Variants in IGLL1 observed in about 807,000 individuals in gnomAD.
The protein encoded by IGLL1 is immunoglobulin lambda-like polypeptide 1.
IGLL1 carries 10 observed loss-of-function variants against 10.5 expected under a neutral mutation model. That is an observed-to-expected ratio of 0.95 (90% CI 0.59 to 1.62). The LOEUF is 1.62. IGLL1 is among the 40% of genes most tolerant of loss of function. The pLI is 0.00. For synonymous variants in IGLL1, 141 were observed against 122.7 expected (o/e 1.15, Z -0.99); for missense variants, 284 against 278.7 (o/e 1.02, Z -0.14).
intron 2 of IGLL1, among the ~76,000 whole-genome samples, chr22:23,574,485 G>A (rs1483613044): frequency 6.6e-6 from 1 of 152,046 alleles, no homozygotes; most frequent in Non-Finnish European, 1.5e-5. Context: ...CCACAGAGCT[G>A]CAGCCTAGAC....
intron 1 of IGLL1, among the ~76,000 whole-genome samples, chr22:23,578,315 C>A (rs373227280): frequency 2.0e-5 from 3 of 152,220 alleles, no homozygotes; most frequent in Non-Finnish European, 2.9e-5. Context: ...CCCCTCGGGC[C>A]TTCCCCATCC....
intron 1 of IGLL1, among the ~76,000 whole-genome samples, chr22:23,576,764 TTAAC>T (rs373727391): frequency 2.2e-4 from 34 of 152,200 alleles, no homozygotes; most frequent in East Asian, 1.7e-3. Context: ...TATTTCCACT[TTAAC>T]TATTTTTAAA....
chr22:23,575,097 G>A lies in IGLL1; in HGVS notation c.207-15C>T, dbSNP rs772687674. On this transcript the variant is annotated splice_polypyrimidine_tract_variant and intron_variant, in intron 1 of 2. Transcript: ENST00000330377. ...GGAGCAGGAACCTGCTGGGAGTGAGGGGCACAGGGCTGCAGTGTGTAGGCT... is the reference window on the plus strand; with the variant it reads ...GGAGCAGGAACCTGCTGGGAGTGAGAGGCACAGGGCTGCAGTGTGTAGGCT... 4 of 1,579,394 alleles carry A rather than the reference G, an allele frequency of 2.5e-6. No individual in the cohort carries two copies. The highest frequency in any genetic ancestry group is 3.5e-6 in the Non-Finnish European group (4 of 1,148,428).
chr22:23,574,448 C>T (rs1360445816), intron 2 of IGLL1, among the ~76,000 whole-genome samples: 1 of 151,910 alleles, frequency 6.6e-6, no homozygotes, highest in Non-Finnish European at 1.5e-5. Context: ...TCCTCTGTGT[C>T]CCCATGCCCT....
chr22:23,574,716 C>T (rs1434873552), intron 2 of IGLL1, among the ~76,000 whole-genome samples: 1 of 152,146 alleles, frequency 6.6e-6, no homozygotes, highest in Non-Finnish European at 1.5e-5. Context: ...GCCCTGACCC[C>T]GCCCAATCCC....
chr22:23,573,277 C>G lies in IGLL1; in HGVS notation c.631G>C (p.Glu211Gln), dbSNP rs142727082. ...STVEKTVAPA[E>Q]CS is the part of the protein sequence containing the mutation. The stretch of plus-strand genomic sequence containing the variant: ...TCGGGGCTGGGAACCTATGAACATT[C>G]TGCAGGGGCCACCGTCTTCTCCACG... The change falls in exon 3 of 3, where the codon GAA becomes CAA. Residue 211 changes from glutamate (E) to glutamine (Q), a missense_variant. Transcript: ENST00000330377. 3 of 1,613,948 alleles carry G rather than the reference C, an allele frequency of 1.9e-6. No individual in the cohort carries two copies. The African/African-American group carries it at 4.0e-5, about 22-fold the overall frequency.
chr22:23,577,005 T>A (rs1925092505), intron 1 of IGLL1, among the ~76,000 whole-genome samples: 1 of 152,250 alleles, frequency 6.6e-6, no homozygotes, highest in African/African-American at 2.4e-5. Flanking sequence ...ATTTGTCCTT[T>A]TGTGTCTGGC....
intron 1 of IGLL1, among the ~76,000 whole-genome samples, chr22:23,576,360 C>CCAA (rs1925066566): frequency 1.5e-5 from 1 of 67,112 alleles, no homozygotes; most frequent in Non-Finnish European, 2.8e-5. Context: ...AAGACTGTCC[C>CCAA]AAAAAAAAAA....
At chr22:23,579,065 AGG>A in intron 1 of IGLL1, among the ~76,000 whole-genome samples, 1 of 151,946 alleles carries the variant, frequency 6.6e-6, no homozygotes, top group African/African-American at 2.4e-5. Context: ...GGAGAGCTAG[AGG>A]GGATAGCTTG....
At chr22:23,576,582 C>T (rs1232811846) in intron 1 of IGLL1, among the ~76,000 whole-genome samples, 1 of 152,006 alleles carries the variant, frequency 6.6e-6, no homozygotes, top group Non-Finnish European at 1.5e-5. Flanking sequence ...AGGCATGTGC[C>T]AGCACACTTG....
intron 1 of IGLL1, among the ~76,000 whole-genome samples, chr22:23,579,589 A>C (rs928172085): frequency 8.5e-6 from 1 of 117,118 alleles, no homozygotes; most frequent in African/African-American, 3.6e-5. Flanking sequence ...GGAAAAGAGG[A>C]GGGGGGGGAG....
intron 1 of IGLL1, among the ~76,000 whole-genome samples, chr22:23,578,856 A>G (rs1925189626): frequency 6.6e-6 from 1 of 152,178 alleles, no homozygotes; most frequent in Admixed American, 6.5e-5. Flanking sequence ...GCTACTCCGG[A>G]AGCTGAGGCA....
chr22:23,579,878 C>A, intron 1 of IGLL1, 107 bp downstream of exon 1: 1 of 867,946 alleles, frequency 1.2e-6, no homozygotes, highest in Non-Finnish European at 1.7e-6. Context: ...GGCTCCCCTC[C>A]AGGGATTAAC....
At position 23,580,228 on chromosome 22, in the gene IGLL1, C is replaced by A. The variant is rs1260961567; in HGVS notation, c.-38G>T. ...TCAGAGGTCCTTGTGGCCTGACTTG[C>A]AGTGTGGGCTCCCTAGAGAGTGGTG... On this transcript the variant is annotated 5_prime_UTR_variant, in exon 1 of 3. Transcript: ENST00000330377. 1 of 1,535,044 alleles carries A rather than the reference C, an allele frequency of 6.5e-7. No homozygotes were observed. The highest frequency in any genetic ancestry group is 1.2e-5 in the South Asian group (1 of 83,980).
chr22:23,574,362 G>A (rs1029525578), intron 2 of IGLL1, among the ~76,000 whole-genome samples: 43 of 152,254 alleles, frequency 2.8e-4, no homozygotes, highest in African/African-American at 5.8e-4. Flanking sequence ...CCAGGGACAG[G>A]CACATCTCTG....
chr22:23,577,273 G>A (rs1350936470), intron 1 of IGLL1, among the ~76,000 whole-genome samples: 3 of 151,616 alleles, frequency 2.0e-5, no homozygotes, highest in African/African-American at 7.3e-5. Context: ...GTGTGGTAGC[G>A]CATGCTTGTA....
chr22:23,577,137 T>C (rs116446488), intron 1 of IGLL1, among the ~76,000 whole-genome samples: 5,910 of 152,242 alleles, frequency 0.039, 279 homozygotes, highest in African/African-American at 0.11. Flanking sequence ...ACAGGCTAGG[T>C]AGGGTGGCTC....
rs370845303 is a variant in IGLL1 at position 23,573,254 on chromosome 22, G to T, written c.*12C>A. Reference sequence around the variant, plus strand: ...GCTCCAGGCCCCTTTGGGTGGGGTCGGGGCTGGGAACCTATGAACATTCTG... The same window carrying T: ...GCTCCAGGCCCCTTTGGGTGGGGTCTGGGCTGGGAACCTATGAACATTCTG... On this transcript the variant is annotated 3_prime_UTR_variant, in exon 3 of 3. Coordinates refer to ENST00000330377, the MANE Select transcript of IGLL1 (RefSeq NM_020070.4). The T allele has an allele frequency of 2.5e-6, 4 of 1,613,524 alleles. No individual in the cohort carries two copies. Among genetic ancestry groups the T allele is most frequent in the East Asian group, 2.2e-5 (1 of 44,864 alleles).
rs538376967 is a variant in IGLL1, at chr22:23,578,499, G to A, written c.206+1486C>T. On this transcript the variant is annotated intron_variant, in intron 1 of 2. Transcript: ENST00000330377. Reference sequence around the variant, plus strand: ...AAGTCCGTGCAGGACACTGACACCCGGTCCCGGCCTGCCACCATGCTGACC... The same window carrying A: ...AAGTCCGTGCAGGACACTGACACCCAGTCCCGGCCTGCCACCATGCTGACC... Among the ~76,000 whole-genome samples, 7 of 152,272 alleles carry A rather than the reference G, an allele frequency of 4.6e-5. No individual in the cohort carries two copies. The South Asian group carries it at 8.3e-4, about 18-fold the overall frequency.
Sources: allele counts gnomAD v4.1 joint callset (sites outside exome capture counted in the v4.1 genomes callset), GRCh38; gene constraint gnomAD v4.1.1; transcripts MANE v1.5; gene names NCBI Gene and HGNC (gene_info 2026-07-23, HGNC 2026-07-21).